Variants in ZNF490 observed in about 807,000 individuals in gnomAD.
The protein encoded by ZNF490 is zinc finger protein 490.
ZNF490 carries 11 observed loss-of-function variants against 17.7 expected under a neutral mutation model. The ratio of observed to expected loss-of-function variants is 0.62; its 90% confidence interval spans 0.39 to 1.03. The LOEUF is 1.03. Ranked by LOEUF, ZNF490 falls within the 50% of genes least tolerant of loss-of-function variation. ZNF490 has a pLI of 0.00. For synonymous variants in ZNF490, 222 were observed against 216.1 expected (o/e 1.03, Z -0.24); for missense variants, 542 against 643.4 (o/e 0.84, Z 1.71).
At chr19:12,586,795 C>T (rs1371786222) in intron 2 of ZNF490, among the ~76,000 whole-genome samples, 1 of 93,500 alleles carries the variant, frequency 1.1e-5, no homozygotes, top group East Asian at 2.0e-4. Context: ...AACACCTGGC[C>T]AGGCGTGGCT....
rs1238432764 is a variant in ZNF490, at chr19:12,580,573, G to A, written c.1502C>T (p.Pro501Leu). 1.2e-6 allele frequency: 2 copies of A among 1,613,934 alleles called. No individual in the cohort carries two copies. The highest frequency in any genetic ancestry group is 8.5e-7 in the Non-Finnish European group (1 of 1,180,038). The change falls in exon 5 of 5, where the codon CCC becomes CTC. Residue 501 changes from proline to leucine, a missense_variant. Transcript: ENST00000311437. ...TTTACCACATTGTCTACACTGAAAGGGTCTTTCTCCAGTATGAATTCTTTT... is the reference window on the plus strand; with the variant it reads ...TTTACCACATTGTCTACACTGAAAGAGTCTTTCTCCAGTATGAATTCTTTT... ...VHKRIHTGER[P>L]FQCRQCGKAF...
chr19:12,581,887 C>T (rs1430557597), intron 4 of ZNF490, among the ~76,000 whole-genome samples, 163 bp from the exon 5 acceptor site: 1 of 152,100 alleles, frequency 6.6e-6, no homozygotes, highest in African/African-American at 2.4e-5. Context: ...CTAGAACAGG[C>T]CGTGACCATA....
At chr19:12,592,735 A>G (rs1198552134) in intron 2 of ZNF490, among the ~76,000 whole-genome samples, 2 of 152,240 alleles carry the variant, frequency 1.3e-5, no homozygotes, top group Non-Finnish European at 2.9e-5. Context: ...CAATATTGGT[A>G]CATCACTTAT....
chr19:12,597,611 G>A (rs918244894), intron 2 of ZNF490, among the ~76,000 whole-genome samples: 4 of 152,164 alleles, frequency 2.6e-5, no homozygotes, highest in Middle Eastern at 3.4e-3. Flanking sequence ...CCCATTTACC[G>A]CTCACCCTCA....
At chr19:12,591,164 G>A (rs2022865619) in intron 2 of ZNF490, among the ~76,000 whole-genome samples, 1 of 151,238 alleles carries the variant, frequency 6.6e-6, no homozygotes, top group East Asian at 1.9e-4. Flanking sequence ...CGAGGTGGGC[G>A]GATGACTTGA....
chr19:12,592,101 G>C (rs1035909890), intron 2 of ZNF490, among the ~76,000 whole-genome samples: 1 of 152,224 alleles, frequency 6.6e-6, no homozygotes, highest in African/African-American at 2.4e-5. Flanking sequence ...ACTTTGGGAG[G>C]CCAAGGAGGG....
At chr19:12,603,578 C>T (rs1273933666) in intron 2 of ZNF490, among the ~76,000 whole-genome samples, 1 of 151,956 alleles carries the variant, frequency 6.6e-6, no homozygotes, top group East Asian at 1.9e-4. Flanking sequence ...GATGCTTGAG[C>T]TCAGGTGTTT....
rs372493022 is a variant in ZNF490 at position 12,588,080 on chromosome 19, G to A, written c.163-4524C>T. ...AGACAGGGTTTCACCATGTTGGCCAGGCTGGTCTCAAACTCCTGACCTCAG... is the reference window on the plus strand; with the variant it reads ...AGACAGGGTTTCACCATGTTGGCCAAGCTGGTCTCAAACTCCTGACCTCAG... On this transcript the variant is annotated intron_variant, in intron 2 of 4. Transcript: ENST00000311437. Among the ~76,000 whole-genome samples the A allele has an allele frequency of 5.9e-5, 6 of 100,914 alleles. 3 individuals are homozygous for A. Among genetic ancestry groups the A allele is most frequent in the Non-Finnish European group, 1.5e-4 (6 of 39,126 alleles). The allele number at this position is 100,914 out of a possible 152,430, so 66.2% of individuals were successfully genotyped here.
Position 12,579,046 on chromosome 19 carries a change from G to A in ZNF490, c.*1439C>T, listed in dbSNP as rs534576427. On this transcript the variant is annotated 3_prime_UTR_variant, in exon 5 of 5. Transcript: ENST00000311437. ...AGGAGGGCGGATCACGAGGTCAGGAGATCAAGACTATCCTGGCTAACACGG... is the reference window on the plus strand; with the variant it reads ...AGGAGGGCGGATCACGAGGTCAGGAAATCAAGACTATCCTGGCTAACACGG... 31 of 519,406 alleles carry A rather than the reference G, an allele frequency of 6.0e-5. No individual in the cohort carries two copies. Among genetic ancestry groups the A allele is most frequent in the African/African-American group, 5.4e-4 (26 of 48,472 alleles). 32.2% of individuals were successfully genotyped at this position (519,406 alleles called of 1,614,324 possible).
In ZNF490 at chr19:12,587,755, G is replaced by A. The variant is rs1414487413; in HGVS notation, c.163-4199C>T. Among the ~76,000 whole-genome samples, 4 of 92,916 alleles carry A rather than the reference G, an allele frequency of 4.3e-5. 1 individual carries two copies. The highest frequency in any genetic ancestry group is 1.3e-4 in the African/African-American group (4 of 30,906). The allele number at this position is 92,916 out of a possible 152,430, so 61.0% of individuals were successfully genotyped here. A position where few individuals can be genotyped will look rare whatever the true frequency, so the allele number is the denominator to read the frequency against. On this transcript the variant is annotated intron_variant, in intron 2 of 4. Coordinates refer to ENST00000311437, the MANE Select transcript of ZNF490 (RefSeq NM_020714.3). ...CTGCCACCCAGGCTGGAGTGCAGTG[G>A]CGCAATCTTGGCTCACTGCAACCTC...
chr19:12,604,595 G>C (rs1056866177), intron 2 of ZNF490, among the ~76,000 whole-genome samples: 8 of 152,004 alleles, frequency 5.3e-5, no homozygotes, highest in African/African-American at 1.7e-4. Flanking sequence ...CTGGTAGGCA[G>C]AGGCTGCAGT....
At chr19:12,601,918 C>G (rs1406859614) in intron 2 of ZNF490, among the ~76,000 whole-genome samples, 1 of 151,380 alleles carries the variant, frequency 6.6e-6, no homozygotes, top group Non-Finnish European at 1.5e-5. Flanking sequence ...GGCGTGAACC[C>G]GGGAGGCGGA....
rs529049001 is a variant in ZNF490, at chr19:12,593,419, T to C, written c.163-9863A>G. ...CGAGCCACCACACCTGGCTAATTTT[T>C]TTGTATTTTTAGTAGAGACGGGGTT... On this transcript the variant is annotated intron_variant, in intron 2 of 4. Transcript: ENST00000311437. Among the ~76,000 whole-genome samples the C allele has an allele frequency of 2.6e-5, 4 of 152,220 alleles. No homozygotes were observed. In the East Asian group the frequency reaches 7.7e-4, roughly 29 times the overall value.
chr19:12,602,079 T>TATACACAAACAC (rs778812676), intron 2 of ZNF490, among the ~76,000 whole-genome samples: 1 of 68,596 alleles, frequency 1.5e-5, no homozygotes, highest in East Asian at 2.5e-4. Context: ...GTTCACTATA[T>TATACACAAACAC]ACACACACAC....
intron 4 of ZNF490, 82 bp from the exon 5 acceptor site, chr19:12,581,806 A>G: frequency 7.8e-7 from 1 of 1,281,064 alleles, no homozygotes; most frequent in African/African-American, 1.5e-5. Flanking sequence ...ATTACATTTT[A>G]AATATTTTCA....
intron 2 of ZNF490, among the ~76,000 whole-genome samples, chr19:12,600,352 C>T (rs576174543): frequency 1.3e-5 from 2 of 150,560 alleles, no homozygotes; most frequent in African/African-American, 4.9e-5. Context: ...AGCGAAAGAG[C>T]GAGACTCTGT....
At chr19:12,607,212 G>A (rs10406564) in intron 2 of ZNF490, among the ~76,000 whole-genome samples, 98,403 of 149,074 alleles carry the variant, frequency 0.66, 33,498 homozygotes, top group African/African-American at 0.74. Flanking sequence ...TTTTTTTGAG[G>A]TGGAGTCTCA....
rs913599885 is a variant in ZNF490, at chr19:12,577,806, T to C, written c.*2679A>G. On this transcript the variant is annotated 3_prime_UTR_variant, in exon 5 of 5. Transcript: ENST00000311437. ...TGGGACCCACCCAGGGAGACTGTTGTTACGAGGGTGGATGGTGACCTGGTT... is the reference window on the plus strand; with the variant it reads ...TGGGACCCACCCAGGGAGACTGTTGCTACGAGGGTGGATGGTGACCTGGTT... The C allele has an allele frequency of 5.1e-6, 5 of 985,386 alleles. No homozygotes were observed. The African/African-American group carries it at 7.0e-5, about 14-fold the overall frequency. 61.0% of individuals were successfully genotyped at this position (985,386 alleles called of 1,614,324 possible). A position where few individuals can be genotyped will look rare whatever the true frequency, so the allele number is the denominator to read the frequency against.
intron 2 of ZNF490, among the ~76,000 whole-genome samples, chr19:12,608,126 A>C (rs572731719): frequency 2.6e-5 from 4 of 152,296 alleles, no homozygotes; most frequent in Admixed American, 1.3e-4. Flanking sequence ...GGGATTACAG[A>C]GTCACTTAGA....
Sources: allele counts gnomAD v4.1 joint callset (sites outside exome capture counted in the v4.1 genomes callset), GRCh38; gene constraint gnomAD v4.1.1; transcripts MANE v1.5; gene names NCBI Gene and HGNC (gene_info 2026-07-23, HGNC 2026-07-21).